RELCH: variants seen among roughly 807,000 people sequenced by gnomAD.
The protein encoded by RELCH is RAB11 binding and LisH domain, coiled-coil and HEAT repeat containing, also known as RAB11-binding protein RELCH.
Under a neutral mutation model 150.3 loss-of-function variants are expected in RELCH, and 41 were observed. The ratio of observed to expected loss-of-function variants is 0.27; its 90% CI spans 0.21 to 0.35. The LOEUF (loss-of-function observed/expected upper bound fraction) is 0.35. Among genes scored for constraint, RELCH ranks in the 10% least tolerant of loss-of-function variants. The pLI is 1.00. For missense variants in RELCH, 1,092 were observed against 1,467.8 expected (o/e 0.74, Z 4.18); for synonymous variants, 478 against 531.8 (o/e 0.90, Z 1.39).
At chr18:62,224,189 A>G (rs530068270) in intron 5 of RELCH, among the ~76,000 whole-genome samples, 12 of 152,146 alleles carry the variant, frequency 7.9e-5, no homozygotes, top group African/African-American at 1.4e-4. Context: ...TAATTGTTCA[A>G]TTCCCACCTG....
Position 62,221,204 on chromosome 18 carries a change from GT to G in RELCH, c.689-8del, listed in dbSNP as rs763142680. On this transcript the variant is annotated splice_polypyrimidine_tract_variant and intron_variant, in intron 3 of 28. Coordinates refer to ENST00000644646, the MANE Select transcript of RELCH (RefSeq NM_001346231.2). ...TGTAAAATAGTAAAATAGTACTTAT[GT>G]TTTTTTCCACCAGAACATGAAGTTC... The G allele has an allele frequency of 1.9e-6, 3 of 1,605,078 alleles. No individual in the cohort carries two copies. The highest frequency in any genetic ancestry group is 1.7e-6 in the Non-Finnish European group (2 of 1,172,836).
In RELCH at chr18:62,188,041, C is replaced by A; in HGVS notation, c.526+10C>A. ...GGCGGGGGACAGCTCAGTAAGTGGA[C>A]GCAGCCTGTCACACTCCGGCAGGGT... On this transcript the variant is annotated intron_variant, in intron 1 of 28. Coordinates refer to ENST00000644646, the MANE Select transcript of RELCH (RefSeq NM_001346231.2). The A allele has an allele frequency of 6.5e-7, 1 of 1,543,230 alleles. No homozygotes were observed. Among genetic ancestry groups the A allele is most frequent in the South Asian group, 1.2e-5 (1 of 80,212 alleles).
intron 5 of RELCH, among the ~76,000 whole-genome samples, chr18:62,222,379 A>G (rs2040933632): frequency 6.6e-6 from 1 of 151,978 alleles, no homozygotes; most frequent in Non-Finnish European, 1.5e-5. Context: ...ACAATGCTAT[A>G]CTATGGTTAT....
chr18:62,301,932 A>C (rs1294235935), intron 28 of RELCH, among the ~76,000 whole-genome samples: 1 of 152,218 alleles, frequency 6.6e-6, no homozygotes, highest in Non-Finnish European at 1.5e-5. Flanking sequence ...TACTATTCTC[A>C]TTTTACAGAT....
intron 1 of RELCH, among the ~76,000 whole-genome samples, chr18:62,204,755 G>A (rs2039675463): frequency 6.6e-6 from 1 of 152,168 alleles, no homozygotes; most frequent in Non-Finnish European, 1.5e-5. Flanking sequence ...GCCTTATAAA[G>A]TTTATCCACA....
chr18:62,294,871 T>C (rs2045327556), intron 27 of RELCH, among the ~76,000 whole-genome samples: 1 of 152,208 alleles, frequency 6.6e-6, no homozygotes, highest in African/African-American at 2.4e-5. Context: ...TTTTGAACCG[T>C]TCATCCTTTT....
intron 1 of RELCH, among the ~76,000 whole-genome samples, chr18:62,193,825 T>G (rs1258621108): frequency 6.6e-6 from 1 of 152,238 alleles, no homozygotes; most frequent in Non-Finnish European, 1.5e-5. Context: ...TGCCCTTTTT[T>G]AAATTAAGGT....
chr18:62,258,532 A>G lies in RELCH; in HGVS notation c.2058A>G (p.Ser686=), dbSNP rs1314006953. The change falls in exon 15 of 29, where the codon TCA becomes TCG. Residue 686 remains serine, a synonymous_variant. Transcript: ENST00000644646. ...GACAGGGTTTTGAATTGTTGCTGTC[A>G]GCCTTGGGTGATCCCTCAGAAAGAG... ...KYHQGFELLL[S]ALGDPSERVV... 6.2e-7 allele frequency: 1 copy of G among 1,606,702 alleles called. No individual in the cohort carries two copies. The highest frequency in any genetic ancestry group is 1.1e-5 in the South Asian group (1 of 89,676).
chr18:62,211,782 CAAATAAAT>C (rs758399807), intron 2 of RELCH, among the ~76,000 whole-genome samples: 1 of 151,780 alleles, frequency 6.6e-6, no homozygotes, highest in Non-Finnish European at 1.5e-5. Context: ...AATAAATAAG[CAAATAAAT>C]AAATAAATAA....
chr18:62,242,298 T>C (rs754391778), intron 10 of RELCH, among the ~76,000 whole-genome samples: 7 of 152,172 alleles, frequency 4.6e-5, no homozygotes, highest in Non-Finnish European at 8.8e-5. Context: ...AAAATATTTT[T>C]TTCAAAGTCC....
chr18:62,283,396 C>G (rs1459914288), intron 25 of RELCH, among the ~76,000 whole-genome samples: 2 of 152,128 alleles, frequency 1.3e-5, no homozygotes, highest in Non-Finnish European at 2.9e-5. Context: ...GTTATCATAG[C>G]TCTTTTATTT....
chr18:62,238,790 A>G (rs1291436439), intron 10 of RELCH, among the ~76,000 whole-genome samples: 1 of 152,100 alleles, frequency 6.6e-6, no homozygotes, highest in Non-Finnish European at 1.5e-5. Flanking sequence ...GACAATTGAA[A>G]TGGATGGACT....
Position 62,200,562 on chromosome 18 carries a change from CT to C in RELCH, c.527-10575del, listed in dbSNP as rs777685514. On this transcript the variant is annotated intron_variant, in intron 1 of 28. Transcript: ENST00000644646. ...GCTAAAAGTAAAAGGCTGTCCCCAA[CT>C]TTTTTTTTTTTTTTTAATGGAGAGA... 7.7e-3 allele frequency among the ~76,000 whole-genome samples: 1,070 copies of C among 139,542 alleles called. 4 individuals carry two copies. Among genetic ancestry groups the C allele is most frequent in the African/African-American group, 0.011 (402 of 38,148 alleles). The allele number at this position is 139,542 out of a possible 152,430, so 91.5% of individuals were successfully genotyped here.
chr18:62,239,448 C>T (rs1349767778), intron 10 of RELCH, among the ~76,000 whole-genome samples: 1 of 151,866 alleles, frequency 6.6e-6, no homozygotes, highest in Non-Finnish European at 1.5e-5. Flanking sequence ...AGGTTGTACA[C>T]TATCTACAGA....
chr18:62,297,616 A>G (rs995366168), intron 27 of RELCH, among the ~76,000 whole-genome samples: 2 of 152,210 alleles, frequency 1.3e-5, no homozygotes, highest in Non-Finnish European at 2.9e-5. Context: ...TTCCCACATG[A>G]TGCATGATAA....
Position 62,228,318 on chromosome 18 carries a change from C to T in RELCH, c.1168C>T (p.Leu390Phe), listed in dbSNP as rs1481858751. ...CTCTTTCTACAGTGAAATGGACTTC[C>T]TCAAAAATGAACACTTTGCCATCCC... ...IRRLKSEMDF[L>F]KNEHFAIPAV... Residue 390 changes from leucine (L) to phenylalanine (F), a missense_variant, in exon 8 of 29, where the codon CTC (leucine) becomes TTC (phenylalanine). Physicochemically the swap from Leu to Phe is conservative, Grantham distance 22. Around this residue, in one of 4 missense-constraint regions of RELCH, gnomAD observed 707 missense variants for 1,025.4 expected, o/e 0.69. Transcript: ENST00000644646. The T allele has an allele frequency of 1.2e-6, 2 of 1,609,874 alleles. No individual in the cohort carries two copies. Among genetic ancestry groups the T allele is most frequent in the Admixed American group, 3.4e-5 (2 of 59,256 alleles).
chr18:62,246,280 CAGTA>C (rs1259462157), intron 11 of RELCH: 1 of 152,142 alleles, frequency 6.6e-6, no homozygotes, highest in Non-Finnish European at 1.5e-5. Context: ...CATGTAATCT[CAGTA>C]AGCGTCTTTT....
At chr18:62,271,412 T>G (rs2043894049) in intron 20 of RELCH, among the ~76,000 whole-genome samples, 1 of 150,316 alleles carries the variant, frequency 6.7e-6, no homozygotes, top group Admixed American at 6.6e-5. Context: ...TCTGTTCATA[T>G]GCTTCACACA....
At chr18:62,271,769 G>A (rs1005239510) in intron 20 of RELCH, among the ~76,000 whole-genome samples, 1 of 152,136 alleles carries the variant, frequency 6.6e-6, no homozygotes, top group Non-Finnish European at 1.5e-5. Flanking sequence ...TTTGTATAAG[G>A]TGTAAGGAAG....
Sources: allele counts gnomAD v4.1 joint callset (sites outside exome capture counted in the v4.1 genomes callset), GRCh38; gene constraint gnomAD v4.1.1; regional missense constraint gnomAD v4.1.1; transcripts MANE v1.5; gene names NCBI Gene and HGNC (gene_info 2026-07-23, HGNC 2026-07-21).